The following ECE1 variants were observed in gnomAD, a reference collection of about 807,000 sequenced individuals.
ECE1 encodes endothelin-converting enzyme 1.
A neutral mutation model predicts 98.6 loss-of-function variants in ECE1; 35 were observed. That is an observed-to-expected ratio of 0.35 (90% CI 0.27 to 0.47). The LOEUF (loss-of-function observed/expected upper bound fraction) is 0.47. Among genes scored for constraint, ECE1 ranks in the 20% least tolerant of loss-of-function variants. ECE1 has a pLI of 1.00. For synonymous variants in ECE1, 394 were observed against 407.1 expected, an observed-to-expected ratio of 0.97 and a Z score of 0.39; for missense variants, 814 against 1,025.3, an observed-to-expected ratio of 0.79 and a Z score of 2.81.
In ECE1 at chr1:21,238,111, G is replaced by A. The variant is rs191033205; in HGVS notation, c.1389+23C>T. 72 of 1,604,606 alleles carry A rather than the reference G, an allele frequency of 4.5e-5. No homozygotes were observed. The African/African-American group carries it at 9.4e-4, about 21-fold the overall frequency. ...CACAACAAGTGTGACCTCACAGCCTGTGTCCACGGGGAAGGCACTTACTAT... is the reference window on the plus strand; with the variant it reads ...CACAACAAGTGTGACCTCACAGCCTATGTCCACGGGGAAGGCACTTACTAT... On this transcript the variant is annotated intron_variant, in intron 11 of 18. Coordinates refer to ENST00000374893, the MANE Select transcript of ECE1 (RefSeq NM_001397.3).
intron 18 of ECE1, among the ~76,000 whole-genome samples, chr1:21,221,475 C>G: frequency 6.6e-6 from 1 of 152,048 alleles, no homozygotes. Flanking sequence ...CCTGGCTGGT[C>G]ATCTTAAGTT....
intron 1 of ECE1, among the ~76,000 whole-genome samples, chr1:21,341,040 C>G (rs933413420): frequency 6.6e-6 from 1 of 152,050 alleles, no homozygotes; most frequent in African/African-American, 2.4e-5. Flanking sequence ...CTCCACCCCC[C>G]GCCCCCCAAC....
chr1:21,223,894 G>A (rs1322384051), intron 17 of ECE1, among the ~76,000 whole-genome samples: 1 of 152,164 alleles, frequency 6.6e-6, no homozygotes, highest in East Asian at 1.9e-4. Context: ...CACTGCGCCC[G>A]GCTGACCCCT....
In ECE1 at chr1:21,219,996, C is replaced by T. The variant is rs2098165345; in HGVS notation, c.2272G>A (p.Gly758Ser). The T allele has an allele frequency of 5.0e-6, 8 of 1,614,082 alleles. 1 individual carries two copies. Among genetic ancestry groups the T allele is most frequent in the Non-Finnish European group, 6.8e-6 (8 of 1,180,046 alleles). Residue 758 changes from glycine (G) to serine (S), a missense_variant, in exon 19 of 19, where the codon GGC becomes AGC. Transcript: ENST00000374893. This position sits in a 1 kb window ranked among gnomAD's most constrained non-coding sequence, Gnocchi z 4.5. ...TTGTGAGGCGGGTTCATGGGTGAGC[C>T]AGGTGGGCAGCGGAAGTGTTCTGAG... ...EFSEHFRCPP[G>S]SPMNPPHKCE...
intron 4 of ECE1, among the ~76,000 whole-genome samples, chr1:21,261,053 G>A (rs2098226210): frequency 6.6e-6 from 1 of 152,188 alleles, no homozygotes; most frequent in Non-Finnish European, 1.5e-5. Context: ...GATGCCACCT[G>A]CTAAAGGCAA....
In ECE1 at chr1:21,228,030, G is replaced by A; in HGVS notation, c.1682C>T (p.Thr561Ile). 6.4e-7 allele frequency: 1 copy of A among 1,561,634 alleles called. No individual in the cohort carries two copies. Among genetic ancestry groups the A allele is most frequent in the Non-Finnish European group, 8.7e-7 (1 of 1,152,354 alleles). ...GTAGTAGGCGTTCACCATGGGCGGG[G>A]TCATGCTCCACCTGCAAGCAACACA... ...KAPNRDQWSMTPPMVNAYYSP... is the reference protein window; with the variant it reads ...KAPNRDQWSMIPPMVNAYYSP... The change falls in exon 15 of 19, where the codon ACC becomes ATC. Residue 561 changes from threonine to isoleucine, a missense_variant. Coordinates refer to ENST00000374893, the MANE Select transcript of ECE1 (RefSeq NM_001397.3).
chr1:21,253,533 C>T (rs547141629), intron 8 of ECE1, among the ~76,000 whole-genome samples: 3 of 150,778 alleles, frequency 2.0e-5, no homozygotes, highest in South Asian at 4.2e-4. Flanking sequence ...GAGGCCGAGG[C>T]GGGCAACTCA....
chr1:21,308,428 CCTT>C (rs2103387083), intron 1 of ECE1, among the ~76,000 whole-genome samples: 2 of 152,164 alleles, frequency 1.3e-5, no homozygotes, highest in East Asian at 3.9e-4. Flanking sequence ...GGGGAACAGC[CCTT>C]CTCTGGAATT....
intron 17 of ECE1, among the ~76,000 whole-genome samples, chr1:21,223,295 A>G (rs2098169780): frequency 6.9e-6 from 1 of 144,144 alleles, no homozygotes; most frequent in Non-Finnish European, 1.5e-5. Flanking sequence ...ATTTTTATTT[A>G]TTTATTTTTT....
intron 1 of ECE1, among the ~76,000 whole-genome samples, chr1:21,304,800 T>G (rs1399593657): frequency 1.3e-5 from 2 of 152,008 alleles, no homozygotes; most frequent in African/African-American, 4.8e-5. Context: ...GTAATGGAAA[T>G]TACACCTTAT....
intron 17 of ECE1, among the ~76,000 whole-genome samples, chr1:21,223,020 G>A (rs1310682315): frequency 1.3e-5 from 2 of 151,442 alleles, no homozygotes; most frequent in East Asian, 2.0e-4. Flanking sequence ...TGTCACCCAG[G>A]CTGGAGTGCA....
intron 1 of ECE1, among the ~76,000 whole-genome samples, chr1:21,341,142 C>T (rs1433895098): frequency 6.6e-6 from 1 of 152,194 alleles, no homozygotes; most frequent in African/African-American, 2.4e-5. Context: ...GTTCCCGGTC[C>T]AATCCCACAG....
Position 21,220,204 on chromosome 1 carries a change from C to T in ECE1, c.2137-73G>A. 1 of 1,526,000 alleles carries T rather than the reference C, an allele frequency of 6.6e-7. No homozygotes were observed. Among genetic ancestry groups the T allele is most frequent in the Non-Finnish European group, 8.9e-7 (1 of 1,129,624 alleles). 94.5% of individuals were successfully genotyped at this position (1,526,000 alleles called of 1,614,324 possible). On this transcript the variant is annotated intron_variant, in intron 18 of 18. Transcript: ENST00000374893. This position sits in a 1 kb window ranked among gnomAD's most constrained non-coding sequence, Gnocchi z 5.0. The stretch of plus-strand genomic sequence containing the variant: ...GGCTGCCAGACTGCCCCCATTATAA[C>T]AGCAGGGGAGGCCAGGTGCGGTGGC...
chr1:21,245,185 G>A, intron 9 of ECE1, 82 bp from the exon 10 acceptor site: 3 of 1,291,582 alleles, frequency 2.3e-6, no homozygotes, highest in Non-Finnish European at 3.3e-6. Context: ...CCCCTAGGGG[G>A]CTCTCAAACT....
At chr1:21,298,814 C>T (rs751225389) in intron 1 of ECE1, 1 of 456,342 alleles carries the variant, frequency 2.2e-6, no homozygotes, top group South Asian at 1.5e-5. Flanking sequence ...CACCCTGCCT[C>T]ACCTGCTCCA....
At chr1:21,329,189 C>A (rs1639143848) in intron 1 of ECE1, among the ~76,000 whole-genome samples, 1 of 152,184 alleles carries the variant, frequency 6.6e-6, no homozygotes, top group South Asian at 2.1e-4. Flanking sequence ...TTCCTGGACC[C>A]TCCCCCCGAC....
rs1471511329 is a variant in ECE1, at chr1:21,307,467, T to C, written c.4-17311A>G. Reference sequence around the variant, plus strand: ...TCTAGTGAGACACCACTAGAGTCTGTGTAAAGTGCCAAGCACAGTGGCTGG... The same window carrying C: ...TCTAGTGAGACACCACTAGAGTCTGCGTAAAGTGCCAAGCACAGTGGCTGG... On this transcript the variant is annotated intron_variant, in intron 1 of 18. Coordinates refer to the ECE1 transcript ENST00000415912. The surrounding 1 kb of genome is among the most constrained non-coding windows in gnomAD (Gnocchi z 4.2). Among the ~76,000 whole-genome samples, 1 of 152,174 alleles carries C rather than the reference T, an allele frequency of 6.6e-6. No individual in the cohort carries two copies. Among genetic ancestry groups the C allele is most frequent in the East Asian group, 1.9e-4 (1 of 5,180 alleles).
Position 21,235,289 on chromosome 1 carries a change from C to T in ECE1, c.1566+561G>A, listed in dbSNP as rs907001500. On this transcript the variant is annotated intron_variant, in intron 13 of 18. Transcript: ENST00000374893. The surrounding 1 kb of genome is among the most constrained non-coding windows in gnomAD (Gnocchi z 4.2). ...TTCTAATAAGCAGGGATGTATCAACCACCTCCATTGCCCAAACCAAGCTTA... is the reference window on the plus strand; with the variant it reads ...TTCTAATAAGCAGGGATGTATCAACTACCTCCATTGCCCAAACCAAGCTTA... Among the ~76,000 whole-genome samples, 5 of 152,210 alleles carry T rather than the reference C, an allele frequency of 3.3e-5. No homozygotes were observed. The highest frequency in any genetic ancestry group is 1.2e-4 in the African/African-American group (5 of 41,434).
At position 21,290,049 on chromosome 1, in the gene ECE1, G is replaced by T; in HGVS notation, c.138+21C>A. The T allele has an allele frequency of 7.0e-7, 1 of 1,431,588 alleles. No homozygotes were observed. Among genetic ancestry groups the T allele is most frequent in the Non-Finnish European group, 9.2e-7 (1 of 1,081,964 alleles). 88.7% of individuals were successfully genotyped at this position (1,431,588 alleles called of 1,614,324 possible). On this transcript the variant is annotated intron_variant, in intron 2 of 18. Transcript: ENST00000374893. The surrounding 1 kb of genome is among the most constrained non-coding windows in gnomAD (Gnocchi z 7.3). ...CGGGCCCGGGGCGCCTGGACCTCGGGAGGGAGCGGAGGGCGCCTACCTGCA... is the reference window on the plus strand; with the variant it reads ...CGGGCCCGGGGCGCCTGGACCTCGGTAGGGAGCGGAGGGCGCCTACCTGCA...
Sources: allele counts gnomAD v4.1 joint callset (sites outside exome capture counted in the v4.1 genomes callset), GRCh38; gene constraint gnomAD v4.1.1; non-coding constraint Gnocchi (gnomAD v3.1); transcripts MANE v1.5; gene names NCBI Gene and HGNC (gene_info 2026-07-23, HGNC 2026-07-21).